The following CERT1 variants were observed in gnomAD, a reference collection of about 807,000 sequenced individuals.
CERT1 encodes ceramide transfer protein.
In CERT1, 31 loss-of-function variants were observed where a neutral mutation model predicts 87.9. The observed-to-expected ratio is 0.35, with a 90% confidence interval of 0.27 to 0.48. The LOEUF (loss-of-function observed/expected upper bound fraction) is 0.48. Ranked by LOEUF, CERT1 falls within the 20% of genes least tolerant of loss-of-function variation. The pLI, the probability that CERT1 is intolerant of heterozygous loss-of-function variation, is 0.99. For missense variants in CERT1, 487 were observed against 758.0 expected (o/e 0.64, Z 4.20); for synonymous variants, 289 against 250.9 (o/e 1.15, Z -1.44).
intron 3 of CERT1, among the ~76,000 whole-genome samples, chr5:75,444,367 T>C (rs190336001): frequency 1.0e-3 from 154 of 152,094 alleles, no homozygotes; most frequent in Middle Eastern, 3.4e-3. Context: ...TCATGTATTT[T>C]TAATTCATTC....
chr5:75,435,573 G>C (rs1034084472), intron 3 of CERT1, among the ~76,000 whole-genome samples: 1 of 152,160 alleles, frequency 6.6e-6, no homozygotes, highest in African/African-American at 2.4e-5. Flanking sequence ...AATCTTTGAA[G>C]CTGCTGTCTT....
At chr5:75,508,771 TAAG>T (rs1173435894) in intron 1 of CERT1, among the ~76,000 whole-genome samples, 1 of 152,024 alleles carries the variant, frequency 6.6e-6, no homozygotes, top group East Asian at 1.9e-4. Context: ...GATGGCAAAA[TAAG>T]AAAAGGCTTT....
intron 12 of CERT1, among the ~76,000 whole-genome samples, chr5:75,387,239 C>G (rs563261247): frequency 1.3e-5 from 2 of 152,264 alleles, no homozygotes; most frequent in Admixed American, 6.5e-5. Flanking sequence ...CACCATGGCA[C>G]TGGCAGTTCC....
chr5:75,416,860 A>C lies in CERT1; in HGVS notation c.837+16T>G, dbSNP rs762212456. The C allele has an allele frequency of 6.4e-7, 1 of 1,569,844 alleles. No individual in the cohort carries two copies. Among genetic ancestry groups the C allele is most frequent in the Non-Finnish European group, 8.6e-7 (1 of 1,162,942 alleles). ...TAAATGTGATTATTTTTAAAAGGAA[A>C]AAAACCTAGTCTTACCTTATCCAGT... On this transcript the variant is annotated intron_variant, in intron 7 of 16. Coordinates refer to ENST00000643780, the MANE Select transcript of CERT1 (RefSeq NM_001379029.1).
At chr5:75,397,430 G>T (rs1054733902) in intron 11 of CERT1, among the ~76,000 whole-genome samples, 2 of 152,258 alleles carry the variant, frequency 1.3e-5, no homozygotes, top group South Asian at 4.1e-4. Context: ...ATAGGCACCT[G>T]CTTCTCAGTG....
chr5:75,428,239 GTA>G (rs1473408107), intron 3 of CERT1, among the ~76,000 whole-genome samples: 9 of 151,952 alleles, frequency 5.9e-5, no homozygotes, highest in Non-Finnish European at 1.2e-4. Context: ...TTTCCAGTTA[GTA>G]TCACTTCATT....
intron 9 of CERT1, chr5:75,401,430 C>G (rs1165038203): frequency 6.6e-6 from 1 of 152,136 alleles, no homozygotes; most frequent in Non-Finnish European, 1.5e-5. Context: ...GTGATAAGTT[C>G]ATAGCTACAA....
At chr5:75,473,974 C>T (rs1765837572) in intron 2 of CERT1, among the ~76,000 whole-genome samples, 2 of 152,148 alleles carry the variant, frequency 1.3e-5, no homozygotes, top group African/African-American at 4.8e-5. Context: ...ATTTTATACT[C>T]AGTACCTGTT....
Position 75,511,295 on chromosome 5 carries a change from G to A in CERT1, c.-88C>T, listed in dbSNP as rs1767977238. ...CCAGTCCTCGGGGTGAAGGGTCGGG[G>A]GATGGCGAAGCGAAGAGTGCCCGCT... On this transcript the variant is annotated 5_prime_UTR_variant, in exon 1 of 17. Transcript: ENST00000643780. 12 of 1,563,566 alleles carry A rather than the reference G, an allele frequency of 7.7e-6. No individual in the cohort carries two copies. The African/African-American group carries it at 1.2e-4, about 16-fold the overall frequency.
At chr5:75,374,620 T>C, downstream of CERT1, 4 of 672,430 alleles carry the variant, frequency 5.9e-6, no homozygotes, top group South Asian at 2.7e-5. Context: ...GTCAGGGACA[T>C]TTCCGAAGCG....
intron 3 of CERT1, among the ~76,000 whole-genome samples, chr5:75,446,477 A>C (rs1481129407): frequency 6.6e-6 from 1 of 152,156 alleles, no homozygotes; most frequent in Admixed American, 6.5e-5. Context: ...TTTGTCTAGT[A>C]GATCAGCCAT....
chr5:75,389,538 T>C (rs907974764), intron 12 of CERT1, 54 bp downstream of exon 12: 4 of 1,322,186 alleles, frequency 3.0e-6, no homozygotes, highest in African/African-American at 2.9e-5. Context: ...GTAATGATAA[T>C]ATGACTGAAA....
chr5:75,457,108 T>G (rs948335371), intron 3 of CERT1, among the ~76,000 whole-genome samples: 1 of 152,204 alleles, frequency 6.6e-6, no homozygotes, highest in South Asian at 2.1e-4. Flanking sequence ...TGGCCCTGAT[T>G]AAATAACATG....
chr5:75,483,570 A>G (rs2112399061), intron 2 of CERT1, among the ~76,000 whole-genome samples: 1 of 152,324 alleles, frequency 6.6e-6, no homozygotes, highest in South Asian at 2.1e-4. Flanking sequence ...GTCTACATCA[A>G]GGCATTAAGA....
At chr5:75,491,109 A>C (rs1766774051) in intron 2 of CERT1, among the ~76,000 whole-genome samples, 1 of 152,120 alleles carries the variant, frequency 6.6e-6, no homozygotes, top group African/African-American at 2.4e-5. Flanking sequence ...CTAATTTTAT[A>C]AACTAAAGGA....
At chr5:75,374,836 T>A (rs933741438), downstream of CERT1, 7 of 508,028 alleles carry the variant, frequency 1.4e-5, no homozygotes, top group African/African-American at 1.4e-4. Context: ...AGACTGAAGA[T>A]GGACTATTCT....
chr5:75,388,599 C>CATATATATATATATATATATAT (rs59799780), intron 12 of CERT1, among the ~76,000 whole-genome samples: 30 of 91,850 alleles, frequency 3.3e-4, no homozygotes, highest in African/African-American at 5.1e-4. Context: ...AGCATGCATG[C>CATATATATATATATATATATAT]ATATATATAT....
chr5:75,477,066 G>T (rs1176395639), intron 2 of CERT1, among the ~76,000 whole-genome samples: 1 of 152,140 alleles, frequency 6.6e-6, no homozygotes. Flanking sequence ...TTGCAGATAT[G>T]ATAATCATAT....
chr5:75,475,618 G>C (rs1030441222), intron 2 of CERT1, among the ~76,000 whole-genome samples: 11 of 151,984 alleles, frequency 7.2e-5, no homozygotes, highest in African/African-American at 2.7e-4. Context: ...ACTGTTCCTG[G>C]GGTCCCTTTT....
Sources: gnomAD v4.1 joint callset for allele counts (sites outside exome capture counted in the v4.1 genomes callset) on GRCh38, gnomAD v4.1.1 for gene constraint, MANE v1.5 for transcripts, NCBI Gene and HGNC (gene_info 2026-07-23, HGNC 2026-07-21) for gene names.